GATA4: variants seen among roughly 807,000 people sequenced by gnomAD.
The protein encoded by GATA4 is GATA binding protein 4, also known as transcription factor GATA-4.
Under a neutral mutation model 37.9 loss-of-function variants are expected in GATA4, and 7 were observed. That is an observed-to-expected ratio of 0.18 (90% CI 0.11 to 0.35). The LOEUF (loss-of-function observed/expected upper bound fraction) is 0.35. Among genes scored for constraint, GATA4 ranks in the 10% least tolerant of loss-of-function variants. The probability of loss-of-function intolerance (pLI) is 1.00; values close to 1 mark genes in which losing one functional copy is unlikely to be tolerated. For synonymous variants in GATA4, 372 were observed against 292.6 expected (o/e 1.27, Z -2.77); for missense variants, 647 against 653.0 (o/e 0.99, Z 0.10).
In GATA4 at chr8:11,708,115, G is replaced by C. The variant is rs893169708; in HGVS notation, c.-198G>C. 4 of 706,460 alleles carry C rather than the reference G, an allele frequency of 5.7e-6. No individual in the cohort carries two copies. Among genetic ancestry groups the C allele is most frequent in the East Asian group, 5.5e-5 (2 of 36,672 alleles). The allele number at this position is 706,460 out of a possible 1,614,324, so 43.8% of individuals were successfully genotyped here. A position where few individuals can be genotyped will look rare whatever the true frequency, so the allele number is the denominator to read the frequency against. On this transcript the variant is annotated 5_prime_UTR_variant, in exon 2 of 7. Transcript: ENST00000532059. The surrounding 1 kb of genome is among the most constrained non-coding windows in gnomAD (Gnocchi z 6.7). ...TTGGGATTTTCCGGAGTAAACAAGA[G>C]CCTAGAGCCCTTTGCTCAATGCTGG... is the stretch of plus-strand genomic sequence containing the variant.
chr8:11,686,306 TTAGCAAATAAA>T (rs1258327040), intron 1 of GATA4, among the ~76,000 whole-genome samples: 1 of 152,022 alleles, frequency 6.6e-6, no homozygotes, highest in Non-Finnish European at 1.5e-5. Context: ...CTTTTATTAA[TTAGCAAATAAA>T]TAGCAAATAA....
Position 11,707,317 on chromosome 8 carries a change from GTT to G in GATA4, c.-457-526_-457-525del, listed in dbSNP as rs34913959. Among the ~76,000 whole-genome samples the G allele has an allele frequency of 3.2e-3, 460 of 143,658 alleles. 5 individuals carry two copies. Among genetic ancestry groups the G allele is most frequent in the African/African-American group, 0.01 (403 of 39,698 alleles). 94.2% of individuals were successfully genotyped at this position (143,658 alleles called of 152,430 possible). A position where few individuals can be genotyped will look rare whatever the true frequency, so the allele number is the denominator to read the frequency against. On this transcript the variant is annotated intron_variant, in intron 1 of 6. Coordinates refer to ENST00000532059, the MANE Select transcript of GATA4 (RefSeq NM_001308093.3). This position sits in a 1 kb window ranked among gnomAD's most constrained non-coding sequence, Gnocchi z 4.7. ...TATAAACATTTGGACTCTACTTCTG[GTT>G]TTTTTTTTTTTTAATTACAAACAAA...
chr8:11,716,718 G>T (rs1185030491), intron 2 of GATA4, among the ~76,000 whole-genome samples: 1 of 152,316 alleles, frequency 6.6e-6, no homozygotes, highest in Middle Eastern at 3.4e-3. Context: ...AGGTTATATT[G>T]GAGTTAGAAC....
chr8:11,718,289 C>T (rs922141532), intron 2 of GATA4, among the ~76,000 whole-genome samples: 1 of 152,212 alleles, frequency 6.6e-6, no homozygotes, highest in Non-Finnish European at 1.5e-5. Flanking sequence ...GCTCTGTAAT[C>T]AGAATTGAGC....
Position 11,709,570 on chromosome 8 carries a change from G to T in GATA4, c.616+642G>T, listed in dbSNP as rs917908878. On this transcript the variant is annotated intron_variant, in intron 2 of 6. Transcript: ENST00000532059. The surrounding 1 kb of genome is among the most constrained non-coding windows in gnomAD (Gnocchi z 4.3). Reference sequence around the variant, plus strand: ...GCCGAGCGCGTGGGCGCATCATGCGGGCAGCGGGGGGGGGGGCGCACACGC... The same window carrying T: ...GCCGAGCGCGTGGGCGCATCATGCGTGCAGCGGGGGGGGGGGCGCACACGC... 4.5e-5 allele frequency among the ~76,000 whole-genome samples: 5 copies of T among 112,034 alleles called. No homozygotes were observed. Among genetic ancestry groups the T allele is most frequent in the Admixed American group, 1.7e-4 (2 of 11,552 alleles). The allele number at this position is 112,034 out of a possible 152,430, so 73.5% of individuals were successfully genotyped here.
intron 2 of GATA4, among the ~76,000 whole-genome samples, chr8:11,723,788 C>T (rs933304473): frequency 1.3e-5 from 2 of 152,162 alleles, no homozygotes; most frequent in Non-Finnish European, 2.9e-5. Flanking sequence ...TTGCTTCATT[C>T]ATCTTTTTAA....
intron 1 of GATA4, among the ~76,000 whole-genome samples, chr8:11,682,689 A>T (rs749330563): frequency 6.6e-6 from 1 of 152,266 alleles, no homozygotes; most frequent in Non-Finnish European, 1.5e-5. Flanking sequence ...CAGAAGGAAG[A>T]TGTGAAAGTC....
chr8:11,705,468 A>T lies in GATA4; in HGVS notation c.-458+1164A>T, dbSNP rs569791109. On this transcript the variant is annotated intron_variant, in intron 1 of 6. Coordinates refer to ENST00000532059, the MANE Select transcript of GATA4 (RefSeq NM_001308093.3). ...CGGCGCTTGCAATTCTCCCATTCTG[A>T]AAAATAGATCGGAAGAGGGCTATTG... is the stretch of plus-strand genomic sequence containing the variant. 9.2e-5 allele frequency among the ~76,000 whole-genome samples: 14 copies of T among 152,314 alleles called. No homozygotes were observed. The East Asian group carries it at 2.7e-3, about 29-fold the overall frequency.
intron 2 of GATA4, among the ~76,000 whole-genome samples, chr8:11,717,545 C>G (rs548282921): frequency 2.0e-5 from 3 of 152,150 alleles, no homozygotes. Flanking sequence ...GTAAGTCCAA[C>G]CTGCAGGATT....
At chr8:11,699,742 G>T (rs912056418), upstream of GATA4, among the ~76,000 whole-genome samples, 1 of 152,220 alleles carries the variant, frequency 6.6e-6, no homozygotes, top group South Asian at 2.1e-4. Context: ...TATTCAAAAA[G>T]GCTATGGTGT....
intron 4 of GATA4, among the ~76,000 whole-genome samples, chr8:11,750,504 C>T (rs951830226): frequency 1.3e-5 from 2 of 152,138 alleles, no homozygotes; most frequent in Non-Finnish European, 2.9e-5. Context: ...GGATAAGAAG[C>T]TTAAGGATAG....
At chr8:11,716,409 C>T (rs1447500608) in intron 2 of GATA4, among the ~76,000 whole-genome samples, 1 of 151,884 alleles carries the variant, frequency 6.6e-6, no homozygotes, top group Non-Finnish European at 1.5e-5. Context: ...TGTCTTTTAC[C>T]TATTCTTTTA....
intron 2 of GATA4, among the ~76,000 whole-genome samples, chr8:11,715,511 G>C (rs1246425917): frequency 6.6e-6 from 1 of 151,700 alleles, no homozygotes; most frequent in African/African-American, 2.4e-5. Context: ...CACTTTGGGA[G>C]GCTGAGGCGG....
Position 11,752,291 on chromosome 8 carries a change from G to A in GATA4, c.912+2055G>A, listed in dbSNP as rs113033693. ...CAAATATACACGTATAGGTGTATTA[G>A]TCTGTTTTCACACTGCTGATAAAGA... On this transcript the variant is annotated intron_variant, in intron 4 of 6. Transcript: ENST00000532059. Among the ~76,000 whole-genome samples, 582 of 152,298 alleles carry A rather than the reference G, an allele frequency of 3.8e-3. 3 individuals are homozygous for A. The highest frequency in any genetic ancestry group is 0.013 in the African/African-American group (547 of 41,566).
At chr8:11,743,765 A>G (rs1285434877) in intron 2 of GATA4, among the ~76,000 whole-genome samples, 1 of 151,860 alleles carries the variant, frequency 6.6e-6, no homozygotes, top group East Asian at 1.9e-4. Flanking sequence ...GGATGTTTCA[A>G]CCTCCTGGCC....
chr8:11,715,741 A>AG lies in GATA4; in HGVS notation c.616+6814dup, dbSNP rs1800408169. Among the ~76,000 whole-genome samples, 4 of 152,146 alleles carry AG rather than the reference A, an allele frequency of 2.6e-5. No individual in the cohort carries two copies. In the South Asian group the frequency reaches 8.3e-4, roughly 32 times the overall value. On this transcript the variant is annotated intron_variant, in intron 2 of 6. Coordinates refer to ENST00000532059, the MANE Select transcript of GATA4 (RefSeq NM_001308093.3). ...GGGCGACAGAGCAAGACTCCATCTC[A>AG]GAAAAAAAAAACAACTCAAATCATC...
chr8:11,682,543 C>A (rs1799004462), intron 1 of GATA4, among the ~76,000 whole-genome samples: 1 of 152,084 alleles, frequency 6.6e-6, no homozygotes, highest in South Asian at 2.1e-4. Flanking sequence ...AAAACAGAGA[C>A]AAGATTTTGC....
intron 2 of GATA4, among the ~76,000 whole-genome samples, chr8:11,738,178 C>T (rs1801550201): frequency 8.3e-6 from 1 of 120,786 alleles, no homozygotes; most frequent in African/African-American, 3.7e-5. Flanking sequence ...AAGACTCTGT[C>T]TCAAAAAAAA....
intron 2 of GATA4, among the ~76,000 whole-genome samples, chr8:11,729,308 G>A (rs1801091386): frequency 6.6e-6 from 1 of 152,154 alleles, no homozygotes; most frequent in South Asian, 2.1e-4. Context: ...GGTGGCTCAT[G>A]CCTGTAATCC....
Sources: gnomAD v4.1 joint callset for allele counts (sites outside exome capture counted in the v4.1 genomes callset) on GRCh38, gnomAD v4.1.1 for gene constraint, Gnocchi (gnomAD v3.1) non-coding constraint, MANE v1.5 for transcripts, NCBI Gene and HGNC (gene_info 2026-07-23, HGNC 2026-07-21) for gene names.